EFCAB13: variants seen among roughly 807,000 people sequenced by gnomAD.
EFCAB13 encodes the protein EF-hand calcium-binding domain-containing protein 13.
In EFCAB13, 91 loss-of-function variants were observed where a neutral mutation model predicts 110.2. The observed-to-expected ratio is 0.83, with a 90% CI of 0.70 to 0.98. The LOEUF (loss-of-function observed/expected upper bound fraction) is 0.98, where lower values mean the gene tolerates loss of function less well. EFCAB13 is among the 50% of genes least tolerant of loss of function. The pLI is 0.00. For synonymous variants in EFCAB13, 323 were observed against 369.9 expected, an observed-to-expected ratio of 0.87 and a Z score of 1.45; for missense variants, 968 against 1,119.4, an observed-to-expected ratio of 0.86 and a Z score of 1.93.
At chr17:47,327,787 T>A (rs2065295584) in intron 3 of EFCAB13, among the ~76,000 whole-genome samples, 1 of 152,194 alleles carries the variant, frequency 6.6e-6, no homozygotes. Context: ...AGCATTGTTT[T>A]GAAAGGCAAT....
At chr17:47,432,911 C>G (rs1420981179) in intron 24 of EFCAB13, among the ~76,000 whole-genome samples, 4 of 152,146 alleles carry the variant, frequency 2.6e-5, no homozygotes, top group Non-Finnish European at 4.4e-5. Flanking sequence ...CCAGCTTCCC[C>G]TAATGTTAGC....
In EFCAB13 at chr17:47,436,565, T is replaced by A. The variant is rs145564873; in HGVS notation, c.2639-3866T>A. ...TTTCTGATTTATGTGCGCAAGGGTG[T>A]TCATAGTAGCCCTGAATGATCTTTT... On this transcript the variant is annotated intron_variant, in intron 24 of 24. Coordinates refer to ENST00000331493, the MANE Select transcript of EFCAB13 (RefSeq NM_152347.5). 3.3e-3 allele frequency among the ~76,000 whole-genome samples: 503 copies of A among 152,276 alleles called. 16 individuals carry two copies. In the East Asian group the frequency reaches 0.063, roughly 19 times the overall value.
At chr17:47,350,893 G>A (rs1439625009) in intron 9 of EFCAB13, among the ~76,000 whole-genome samples, 2 of 151,916 alleles carry the variant, frequency 1.3e-5, no homozygotes, top group Admixed American at 6.6e-5. Context: ...TCTTATGCTC[G>A]GTCCTTGGAA....
At chr17:47,366,314 G>GT (rs773136385) in intron 10 of EFCAB13, among the ~76,000 whole-genome samples, 15,962 of 144,678 alleles carry the variant, frequency 0.11, 867 homozygotes, top group East Asian at 0.18. Context: ...TGGTATAGCA[G>GT]TTTTTTTTTT....
intron 23 of EFCAB13, among the ~76,000 whole-genome samples, chr17:47,417,792 G>T (rs546502071): frequency 6.6e-6 from 1 of 152,306 alleles, no homozygotes; most frequent in East Asian, 1.9e-4. Context: ...TCCAGCAGGA[G>T]TTTATTGTTT....
chr17:47,364,519 G>A (rs2065534957), intron 10 of EFCAB13, among the ~76,000 whole-genome samples: 1 of 152,060 alleles, frequency 6.6e-6, no homozygotes, highest in Non-Finnish European at 1.5e-5. Context: ...CACCATGTTG[G>A]CCAGGATGGT....
At chr17:47,397,458 TCTGC>T (rs1358542888) in intron 17 of EFCAB13, among the ~76,000 whole-genome samples, 1 of 89,628 alleles carries the variant, frequency 1.1e-5, no homozygotes, top group Admixed American at 9.9e-5. Context: ...GAGGAGCGTC[TCTGC>T]CTGGCCGCCC....
intron 14 of EFCAB13, among the ~76,000 whole-genome samples, chr17:47,390,357 C>A (rs2065700086): frequency 1.3e-5 from 2 of 151,848 alleles, no homozygotes; most frequent in African/African-American, 4.8e-5. Context: ...TTCTCTCTCT[C>A]TCTCTGTGTT....
chr17:47,340,688 C>T (rs1473375258), intron 5 of EFCAB13, among the ~76,000 whole-genome samples: 11 of 151,636 alleles, frequency 7.3e-5, no homozygotes, highest in Non-Finnish European at 1.3e-4. Context: ...CAACCTCTGC[C>T]TCCCAGGTTC....
At chr17:47,393,748 AT>A (rs2065721981) in intron 15 of EFCAB13, among the ~76,000 whole-genome samples, 4 of 145,584 alleles carry the variant, frequency 2.7e-5, no homozygotes, top group Non-Finnish European at 3.1e-5. Context: ...AAATAAATAA[AT>A]AAATAAAAAT....
At chr17:47,393,967 A>G (rs1213809392) in intron 15 of EFCAB13, 58 bp from the exon 16 acceptor site, 12 of 933,928 alleles carry the variant, frequency 1.3e-5, no homozygotes, top group Non-Finnish European at 1.9e-5. Flanking sequence ...ATATAATTCA[A>G]TATTTTTCAT....
At chr17:47,396,273 A>G (rs1353058716) in intron 17 of EFCAB13, among the ~76,000 whole-genome samples, 1 of 152,172 alleles carries the variant, frequency 6.6e-6, no homozygotes, top group African/African-American at 2.4e-5. Context: ...CACAGAGGGC[A>G]TGATTAGGAA....
intron 5 of EFCAB13, among the ~76,000 whole-genome samples, chr17:47,339,699 C>CA (rs60578114): frequency 0.26 from 19,665 of 76,730 alleles, 1,717 homozygotes; most frequent in Admixed American, 0.36. Flanking sequence ...GACTCCATCT[C>CA]AAAAAAAAAA....
intron 10 of EFCAB13, among the ~76,000 whole-genome samples, 167 bp downstream of exon 10, chr17:47,361,688 C>A (rs777658043): frequency 1.3e-5 from 2 of 151,942 alleles, no homozygotes; most frequent in Non-Finnish European, 1.5e-5. Flanking sequence ...AAGAAATAGT[C>A]TAGAAAAATT....
Position 47,370,454 on chromosome 17 carries a change from A to T in EFCAB13, c.823A>T (p.Ile275Phe). The T allele has an allele frequency of 6.2e-7, 1 of 1,601,310 alleles. No homozygotes were observed. Among genetic ancestry groups the T allele is most frequent in the Middle Eastern group, 1.7e-4 (1 of 6,022 alleles). The change falls in exon 11 of 25, where the codon ATT (isoleucine) becomes TTT (phenylalanine). Residue 275 changes from isoleucine (I) to phenylalanine (F), a missense_variant. Ile to Phe is a conservative substitution (Grantham distance 21). Coordinates refer to ENST00000331493, the MANE Select transcript of EFCAB13 (RefSeq NM_152347.5). ...TYIDSNHMVD[I>F]GDIIFTLNEL... is the part of the protein sequence containing the mutation. ...TATTACAGGTAACCACATGGTGGATATTGGGGATATTATATTTACTTTGAA... is the reference window on the plus strand; with the variant it reads ...TATTACAGGTAACCACATGGTGGATTTTGGGGATATTATATTTACTTTGAA...
At chr17:47,399,334 A>G (rs572296889) in intron 17 of EFCAB13, among the ~76,000 whole-genome samples, 1 of 152,278 alleles carries the variant, frequency 6.6e-6, no homozygotes, top group South Asian at 2.1e-4. Context: ...TTGTCATATC[A>G]TTTCTTCTTT....
intron 24 of EFCAB13, among the ~76,000 whole-genome samples, chr17:47,433,225 G>A (rs567409363): frequency 5.9e-5 from 9 of 152,180 alleles, no homozygotes; most frequent in African/African-American, 1.4e-4. Flanking sequence ...GGGGTTATGC[G>A]CTTTTGGGAT....
chr17:47,362,172 TTGATA>T (rs1160199684), intron 10 of EFCAB13, among the ~76,000 whole-genome samples: 5 of 152,154 alleles, frequency 3.3e-5, no homozygotes, highest in Non-Finnish European at 4.4e-5. Context: ...ATATAGATCT[TTGATA>T]TGATTATATA....
At chr17:47,416,540 A>T (rs1904452555) in intron 23 of EFCAB13, among the ~76,000 whole-genome samples, 1 of 152,052 alleles carries the variant, frequency 6.6e-6, no homozygotes, top group Admixed American at 6.6e-5. Flanking sequence ...CCAGGTACTG[A>T]GGATAGTATG....
Sources: gnomAD v4.1 joint callset for allele counts (sites outside exome capture counted in the v4.1 genomes callset) on GRCh38, gnomAD v4.1.1 for gene constraint, MANE v1.5 for transcripts, NCBI Gene and HGNC (gene_info 2026-07-23, HGNC 2026-07-21) for gene names.